The following DIAPH2 variants were observed in gnomAD, a reference collection of about 807,000 sequenced individuals.
DIAPH2 encodes protein diaphanous homolog 2.
DIAPH2 carries 35 observed loss-of-function variants against 92.7 expected under a neutral mutation model. The observed-to-expected ratio is 0.38, with a 90% confidence interval of 0.29 to 0.50. The LOEUF is 0.50. DIAPH2 is among the 20% of genes least tolerant of loss of function. The pLI is 0.94. For missense variants in DIAPH2, 701 were observed against 819.5 expected (o/e 0.86, Z 1.77); for synonymous variants, 301 against 280.4 (o/e 1.07, Z -0.73).
chrX:96,800,261 T>G (rs1329968950), intron 4 of DIAPH2, among the ~76,000 whole-genome samples: 3 of 111,138 alleles, frequency 2.7e-5, no homozygotes, highest in Non-Finnish European at 5.7e-5. Flanking sequence ...AGATACATTT[T>G]TTTTTCCCCA....
At chrX:97,307,661 C>T (rs761295497) in intron 23 of DIAPH2, among the ~76,000 whole-genome samples, 1 of 110,595 alleles carries the variant, frequency 9.0e-6, no homozygotes, top group African/African-American at 3.3e-5. Flanking sequence ...ATAATCCCAG[C>T]ACTTTGGGAG....
intron 26 of DIAPH2, among the ~76,000 whole-genome samples, chrX:97,505,468 T>C (rs2070825825): frequency 8.9e-6 from 1 of 112,030 alleles, no homozygotes; most frequent in Admixed American, 9.5e-5. Context: ...AAAACATGAA[T>C]TGAACAACCT....
At chrX:96,998,925 C>T (rs2066123496) in intron 17 of DIAPH2, among the ~76,000 whole-genome samples, 1 of 112,034 alleles carries the variant, frequency 8.9e-6, no homozygotes, top group South Asian at 3.7e-4. Context: ...TAAAATGGTA[C>T]CTGCTGCATA....
At chrX:96,803,129 G>A (rs2064596664) in intron 4 of DIAPH2, among the ~76,000 whole-genome samples, 1 of 110,591 alleles carries the variant, frequency 9.0e-6, no homozygotes, top group South Asian at 4.0e-4. Context: ...ATCTCCTTTG[G>A]CAGCACCCTC....
intron 26 of DIAPH2, among the ~76,000 whole-genome samples, chrX:97,542,213 A>T (rs1302830367): frequency 8.9e-6 from 1 of 112,140 alleles, no homozygotes; most frequent in East Asian, 2.8e-4. Context: ...GGCCTTATTA[A>T]TTTGTAACAG....
chrX:97,209,695 T>G (rs1371616310), intron 22 of DIAPH2, among the ~76,000 whole-genome samples: 2 of 110,882 alleles, frequency 1.8e-5, no homozygotes, highest in African/African-American at 6.5e-5. Context: ...AACTATGACT[T>G]GATATGTTTG....
intron 9 of DIAPH2, among the ~76,000 whole-genome samples, chrX:96,926,772 T>C (rs1243465299): frequency 9.0e-6 from 1 of 111,499 alleles, no homozygotes; most frequent in South Asian, 3.7e-4. Context: ...ATGACATCAC[T>C]GAATGAAAAT....
chrX:97,041,550 A>G (rs749662224), intron 17 of DIAPH2, among the ~76,000 whole-genome samples: 1 of 111,486 alleles, frequency 9.0e-6, no homozygotes, highest in African/African-American at 3.2e-5. Context: ...TTTCCTTGGA[A>G]CTAACTATTC....
chrX:96,766,733 A>T (rs2064306599), intron 4 of DIAPH2, among the ~76,000 whole-genome samples: 1 of 112,399 alleles, frequency 8.9e-6, no homozygotes, highest in Non-Finnish European at 1.9e-5. Context: ...AATCCAACAG[A>T]TGGAATATGT....
chrX:97,186,967 T>A (rs943245125), intron 22 of DIAPH2, among the ~76,000 whole-genome samples: 17 of 112,298 alleles, frequency 1.5e-4, no homozygotes, highest in East Asian at 5.6e-4. Context: ...TTTGCCTGTT[T>A]ACGTAAGGAC....
chrX:97,475,360 G>A (rs1244131957), intron 26 of DIAPH2, among the ~76,000 whole-genome samples: 1 of 112,089 alleles, frequency 8.9e-6, no homozygotes, highest in Admixed American at 9.5e-5. Context: ...TTTCAAATGA[G>A]GAGAAAATGC....
At chrX:97,294,695 A>G in intron 23 of DIAPH2, among the ~76,000 whole-genome samples, 1 of 111,859 alleles carries the variant, frequency 8.9e-6, no homozygotes, top group East Asian at 2.8e-4. Context: ...TATCATCATC[A>G]TATTTTTTTC....
chrX:96,874,051 C>G (rs770184912), intron 4 of DIAPH2, among the ~76,000 whole-genome samples: 5 of 111,709 alleles, frequency 4.5e-5, no homozygotes, highest in Non-Finnish European at 9.4e-5. Context: ...CACAAGTGCA[C>G]TATGTGTGGT....
intron 2 of DIAPH2, among the ~76,000 whole-genome samples, chrX:96,736,940 T>C (rs767618754): frequency 8.9e-6 from 1 of 112,442 alleles, no homozygotes; most frequent in Non-Finnish European, 1.9e-5. Flanking sequence ...AATTTGACTA[T>C]TGGATATATC....
At chrX:97,209,934 T>C in intron 22 of DIAPH2, among the ~76,000 whole-genome samples, 1 of 111,272 alleles carries the variant, frequency 9.0e-6, no homozygotes, top group Non-Finnish European at 1.9e-5. Flanking sequence ...ACAAATTCTT[T>C]ATTATTCTGT....
At chrX:96,896,999 T>C (rs769779457) in intron 5 of DIAPH2, among the ~76,000 whole-genome samples, 1 of 111,408 alleles carries the variant, frequency 9.0e-6, no homozygotes, top group South Asian at 3.8e-4. Flanking sequence ...AGTTGTTTAG[T>C]GGGGGATTAT....
intron 22 of DIAPH2, among the ~76,000 whole-genome samples, chrX:97,156,116 CCAAA>C (rs1452971006): frequency 2.7e-5 from 3 of 112,053 alleles, no homozygotes; most frequent in African/African-American, 9.7e-5. Flanking sequence ...AATAAGTGAG[CCAAA>C]TGCCAGTGCA....
intron 1 of DIAPH2, among the ~76,000 whole-genome samples, chrX:96,714,554 G>A (rs1286734095): frequency 2.7e-5 from 3 of 111,503 alleles, no homozygotes; most frequent in Admixed American, 9.5e-5. Context: ...ATGAGCCATC[G>A]CGCCTGGCCT....
chrX:97,114,522 T>A (rs664246), intron 20 of DIAPH2, among the ~76,000 whole-genome samples: 4,334 of 112,202 alleles, frequency 0.039, 214 homozygotes, highest in African/African-American at 0.13. Context: ...TTTATTTTTT[T>A]AAAAACCTGT....
Sources: gnomAD v4.1 joint callset for allele counts (sites outside exome capture counted in the v4.1 genomes callset) on GRCh38, gnomAD v4.1.1 for gene constraint, MANE v1.5 for transcripts, NCBI Gene and HGNC (gene_info 2026-07-23, HGNC 2026-07-21) for gene names.